Variants in TIMP2 observed in about 807,000 individuals in gnomAD.
The protein encoded by TIMP2 is metalloproteinase inhibitor 2.
In TIMP2, 5 loss-of-function variants were observed where a neutral mutation model predicts 24.3. That is an observed-to-expected ratio of 0.21 (90% confidence interval 0.11 to 0.43). TIMP2 has a LOEUF of 0.43. TIMP2 is among the 20% of genes least tolerant of loss of function. The pLI, the probability that TIMP2 is intolerant of heterozygous loss-of-function variation, is 1.00. For missense variants in TIMP2, 221 were observed against 297.5 expected (o/e 0.74, Z 1.89); for synonymous variants, 130 against 123.2 (o/e 1.06, Z -0.37).
chr17:78,886,818 A>G (rs1209569219), intron 1 of TIMP2, among the ~76,000 whole-genome samples: 3 of 152,014 alleles, frequency 2.0e-5, no homozygotes, highest in Non-Finnish European at 4.4e-5. Flanking sequence ...TCGACCTCCC[A>G]GGTTCAAGAG....
intron 1 of TIMP2, chr17:78,901,358 C>A (rs957267877): frequency 9.3e-6 from 2 of 215,988 alleles, no homozygotes; most frequent in East Asian, 1.3e-4. Flanking sequence ...CTGTTCAAGA[C>A]CTAAAGGAGA....
chr17:78,865,792 G>T (rs758681269), intron 3 of TIMP2, among the ~76,000 whole-genome samples: 1 of 152,050 alleles, frequency 6.6e-6, no homozygotes, highest in African/African-American at 2.4e-5. Flanking sequence ...ACTCCATCTC[G>T]AACAAAAACA....
At chr17:78,918,065 A>ACACAC (rs1555652947) in intron 1 of TIMP2, among the ~76,000 whole-genome samples, 2 of 144,812 alleles carry the variant, frequency 1.4e-5, no homozygotes, top group African/African-American at 5.2e-5. Context: ...TGCACACACA[A>ACACAC]ACACACACAC....
In TIMP2 at chr17:78,870,924, C is replaced by G; in HGVS notation, c.314G>C (p.Gly105Ala). The G allele has an allele frequency of 1.2e-6, 2 of 1,613,924 alleles. No individual in the cohort carries two copies. The highest frequency in any genetic ancestry group is 1.7e-6 in the Non-Finnish European group (2 of 1,179,950). The change falls in exon 3 of 5, where the codon GGA becomes GCA. Residue 105 changes from glycine (G) to alanine (A), a missense_variant. By Grantham distance (60) the Gly-to-Ala change is moderately conservative (BLOSUM62 0). Coordinates refer to ENST00000262768, the MANE Select transcript of TIMP2 (RefSeq NM_003255.5). ...SAVCGVSLDV[G>A]GKKEYLIAGK... ...TGCAATGAGATATTCCTTCTTTCCT[C>G]CAACGTCCAGCGAGACCCCACACAC... is the stretch of plus-strand genomic sequence containing the variant.
At chr17:78,906,131 G>A (rs2070156197) in intron 1 of TIMP2, among the ~76,000 whole-genome samples, 1 of 152,122 alleles carries the variant, frequency 6.6e-6, no homozygotes, top group Admixed American at 6.5e-5. Flanking sequence ...AGCACTTTAG[G>A]AAGCCAAGGC....
intron 1 of TIMP2, among the ~76,000 whole-genome samples, chr17:78,894,453 C>T (rs746432305): frequency 1.4e-4 from 22 of 152,114 alleles, no homozygotes; most frequent in Non-Finnish European, 2.9e-4. Flanking sequence ...TGCCAACCAC[C>T]ATGATGATCA....
In TIMP2 at chr17:78,891,157, T is replaced by G. The variant is rs2069886058; in HGVS notation, c.131-17238A>C. On this transcript the variant is annotated intron_variant, in intron 1 of 4. Transcript: ENST00000262768. This position sits in a 1 kb window ranked among gnomAD's most constrained non-coding sequence, Gnocchi z 4.5. Reference sequence around the variant, plus strand: ...TAAATATACCTGCCTCGGGAGACAATGTTTGACTTCCATTTCTAAACGTGG... The same window carrying G: ...TAAATATACCTGCCTCGGGAGACAAGGTTTGACTTCCATTTCTAAACGTGG... The G allele has an allele frequency of 1.9e-6, 3 of 1,550,576 alleles. No homozygotes were observed. Among genetic ancestry groups the G allele is most frequent in the South Asian group, 2.4e-5 (2 of 84,070 alleles).
At chr17:78,869,804 G>A (rs2069658840) in intron 3 of TIMP2, among the ~76,000 whole-genome samples, 1 of 152,222 alleles carries the variant, frequency 6.6e-6, no homozygotes, top group Non-Finnish European at 1.5e-5. Context: ...AATAGAGCGA[G>A]ACTCTGTCTC....
intron 3 of TIMP2, among the ~76,000 whole-genome samples, chr17:78,866,700 C>T (rs1169995192): frequency 3.3e-5 from 5 of 152,130 alleles, no homozygotes; most frequent in African/African-American, 1.2e-4. Context: ...CAGTGGAATA[C>T]TCAGTCATAG....
At position 78,891,864 on chromosome 17, in the gene TIMP2, T is replaced by G; in HGVS notation, c.131-17945A>C. On this transcript the variant is annotated intron_variant, in intron 1 of 4. Coordinates refer to ENST00000262768, the MANE Select transcript of TIMP2 (RefSeq NM_003255.5). The surrounding 1 kb of genome is among the most constrained non-coding windows in gnomAD (Gnocchi z 4.5). ...TTCTCAGGCGGGGCCAGGTGAGAAT[T>G]CATCCGACCCGTGGCTTTTGTAGTC... is the stretch of plus-strand genomic sequence containing the variant. 1 of 1,550,674 alleles carries G rather than the reference T, an allele frequency of 6.4e-7. No individual in the cohort carries two copies. Among genetic ancestry groups the G allele is most frequent in the South Asian group, 1.2e-5 (1 of 84,056 alleles).
At chr17:78,880,110 G>C (rs916264244) in intron 1 of TIMP2, among the ~76,000 whole-genome samples, 2 of 152,096 alleles carry the variant, frequency 1.3e-5, no homozygotes, top group African/African-American at 4.8e-5. Flanking sequence ...CATGTGCCAG[G>C]GCCAAGGGCT....
In TIMP2 at chr17:78,893,500, C is replaced by G. The variant is rs552800943; in HGVS notation, c.131-19581G>C. Among the ~76,000 whole-genome samples, 4 of 140,758 alleles carry G rather than the reference C, an allele frequency of 2.8e-5. No homozygotes were observed. In the East Asian group the frequency reaches 8.5e-4, roughly 30 times the overall value. The allele number at this position is 140,758 out of a possible 152,430, so 92.3% of individuals were successfully genotyped here. ...CGGTGTGTGTGCAGGGGTGTGTGCG[C>G]GCAGGGGTGTGTGCGTGTGCACATC... On this transcript the variant is annotated intron_variant, in intron 1 of 4. Coordinates refer to ENST00000262768, the MANE Select transcript of TIMP2 (RefSeq NM_003255.5).
chr17:78,879,625 G>A (rs751139702), intron 1 of TIMP2, among the ~76,000 whole-genome samples: 1 of 152,036 alleles, frequency 6.6e-6, no homozygotes, highest in African/African-American at 2.4e-5. Flanking sequence ...AAAGACTCTC[G>A]TTCTAACTGC....
intron 3 of TIMP2, among the ~76,000 whole-genome samples, chr17:78,869,345 C>T (rs2069649733): frequency 6.6e-6 from 1 of 151,008 alleles, no homozygotes; most frequent in Non-Finnish European, 1.5e-5. Flanking sequence ...ATCACTTGAC[C>T]CCAGGAGATC....
intron 3 of TIMP2, among the ~76,000 whole-genome samples, chr17:78,864,303 T>G (rs2069590585): frequency 6.6e-6 from 1 of 150,862 alleles, no homozygotes; most frequent in East Asian, 1.9e-4. Context: ...CTTCCCTGCC[T>G]CTCTCCCTCT....
chr17:78,869,378 G>A (rs111728387), intron 3 of TIMP2, among the ~76,000 whole-genome samples: 12 of 149,070 alleles, frequency 8.0e-5, no homozygotes, highest in African/African-American at 3.0e-4. Flanking sequence ...AGTCATGATC[G>A]CACTCCAGCC....
chr17:78,875,511 C>T (rs772949219), intron 1 of TIMP2, among the ~76,000 whole-genome samples: 6 of 152,160 alleles, frequency 3.9e-5, no homozygotes, highest in Non-Finnish European at 8.8e-5. Flanking sequence ...TTCATGCTGT[C>T]ACTTGGGCAG....
chr17:78,894,157 C>CT (rs1342303217), intron 1 of TIMP2, among the ~76,000 whole-genome samples: 3 of 152,046 alleles, frequency 2.0e-5, no homozygotes, highest in Non-Finnish European at 4.4e-5. Context: ...ATCCGTTCAT[C>CT]TTTTTTACAG....
chr17:78,893,399 A>G (rs1599162776), intron 1 of TIMP2, among the ~76,000 whole-genome samples: 2 of 49,994 alleles, frequency 4.0e-5, no homozygotes, highest in Non-Finnish European at 8.1e-5. Context: ...GTGTGTATGC[A>G]GGGGTGTGTG....
Sources: gnomAD v4.1 joint callset for allele counts (sites outside exome capture counted in the v4.1 genomes callset) on GRCh38, gnomAD v4.1.1 for gene constraint, Gnocchi (gnomAD v3.1) non-coding constraint, MANE v1.5 for transcripts, NCBI Gene and HGNC (gene_info 2026-07-23, HGNC 2026-07-21) for gene names.